The following LDLRAD4 variants were observed in gnomAD, a reference collection of about 807,000 sequenced individuals.
LDLRAD4 encodes the protein low density lipoprotein receptor class A domain containing 4.
A neutral mutation model predicts 17.0 loss-of-function variants in LDLRAD4; 5 were observed. That is an observed-to-expected ratio of 0.29 (90% CI 0.15 to 0.62). The LOEUF (loss-of-function observed/expected upper bound fraction) is 0.62. LDLRAD4 is among the 20% of genes least tolerant of loss of function. The probability of loss-of-function intolerance (pLI) is 0.84; values close to 1 mark genes in which losing one functional copy is unlikely to be tolerated. For synonymous variants in LDLRAD4, 168 were observed against 171.8 expected (o/e 0.98, Z 0.17); for missense variants, 340 against 424.7 (o/e 0.80, Z 1.75).
At chr18:13,498,716 C>T (rs1424446171) in intron 3 of LDLRAD4, among the ~76,000 whole-genome samples, 2 of 149,790 alleles carry the variant, frequency 1.3e-5, no homozygotes, top group Non-Finnish European at 3.0e-5. Context: ...TCTTGCCACA[C>T]GTGTCCCACT....
chr18:13,450,208 C>A (rs975299785), intron 3 of LDLRAD4, among the ~76,000 whole-genome samples: 1 of 152,084 alleles, frequency 6.6e-6, no homozygotes, highest in Non-Finnish European at 1.5e-5. Context: ...CATGAGGCCT[C>A]TAGATCAGCG....
At chr18:13,327,011 A>G (rs1288174373) in intron 1 of LDLRAD4, among the ~76,000 whole-genome samples, 1 of 152,028 alleles carries the variant, frequency 6.6e-6, no homozygotes, top group East Asian at 1.9e-4. Flanking sequence ...ACCATCATCA[A>G]TACGCTACTT....
At chr18:13,335,588 G>T (rs918571749) in intron 1 of LDLRAD4, among the ~76,000 whole-genome samples, 1 of 152,214 alleles carries the variant, frequency 6.6e-6, no homozygotes, top group Non-Finnish European at 1.5e-5. Flanking sequence ...ATAGTTAAAT[G>T]AATTCAATTG....
intron 3 of LDLRAD4, chr18:13,500,979 T>C (rs1049522914): frequency 1.3e-4 from 19 of 151,742 alleles, no homozygotes; most frequent in African/African-American, 4.6e-4. Context: ...AAGCCCCTCA[T>C]GCCCACCCGC....
chr18:13,305,658 G>T (rs930575942), intron 1 of LDLRAD4, among the ~76,000 whole-genome samples: 18 of 152,204 alleles, frequency 1.2e-4, no homozygotes, highest in Non-Finnish European at 1.6e-4. Flanking sequence ...TGAATTGCTC[G>T]ATTTGTGCTG....
intron 1 of LDLRAD4, among the ~76,000 whole-genome samples, chr18:13,308,038 C>T (rs1197144281): frequency 1.3e-5 from 2 of 152,180 alleles, no homozygotes; most frequent in Non-Finnish European, 2.9e-5. Flanking sequence ...TCTCTGCAGT[C>T]GTGTTTCTTA....
intron 1 of LDLRAD4, among the ~76,000 whole-genome samples, chr18:13,266,669 C>T (rs1290848561): frequency 9.2e-5 from 14 of 152,268 alleles, no homozygotes; most frequent in Admixed American, 9.2e-4. Context: ...CGCTGCCTGG[C>T]GATGGCTTCT....
chr18:13,401,571 G>A (rs888060208), intron 2 of LDLRAD4, among the ~76,000 whole-genome samples: 27 of 152,172 alleles, frequency 1.8e-4, no homozygotes, highest in African/African-American at 6.0e-4. Context: ...TGGGAAGGAA[G>A]TCACCCACCC....
chr18:13,643,100 T>C (rs1032104315), intron 4 of LDLRAD4, among the ~76,000 whole-genome samples: 3 of 151,822 alleles, frequency 2.0e-5, no homozygotes, highest in Admixed American at 6.6e-5. Flanking sequence ...CACGCCCAAC[T>C]AATGTTTGTA....
At chr18:13,453,607 A>G (rs545645002) in intron 3 of LDLRAD4, among the ~76,000 whole-genome samples, 1 of 152,332 alleles carries the variant, frequency 6.6e-6, no homozygotes, top group South Asian at 2.1e-4. Flanking sequence ...TGGAACATTT[A>G]GCCAAGAGAG....
chr18:13,372,465 A>G (rs1420042826), intron 1 of LDLRAD4, among the ~76,000 whole-genome samples: 1 of 152,238 alleles, frequency 6.6e-6, no homozygotes, highest in Non-Finnish European at 1.5e-5. Flanking sequence ...AAGAAATGAA[A>G]GAGACAAGAT....
At chr18:13,414,378 A>G (rs1310049509) in intron 2 of LDLRAD4, among the ~76,000 whole-genome samples, 1 of 152,220 alleles carries the variant, frequency 6.6e-6, no homozygotes, top group Non-Finnish European at 1.5e-5. Flanking sequence ...TGTACAGTTC[A>G]GTACCTTCCT....
chr18:13,498,382 A>G (rs1042580149), intron 3 of LDLRAD4, among the ~76,000 whole-genome samples: 15 of 133,492 alleles, frequency 1.1e-4, no homozygotes, highest in African/African-American at 4.1e-4. Context: ...ACACTGGAGA[A>G]TCCTCCCCAC....
rs920643581 is a variant in LDLRAD4, at chr18:13,300,072, G to C, written c.-383+21884G>C. ...CACAGAGACAATGTGTTTGATTTGG[G>C]AACAGCTGGTCACAGCCCATGTGGC... On this transcript the variant is annotated intron_variant, in intron 1 of 5. Coordinates refer to ENST00000359446, the Ensembl canonical transcript of LDLRAD4. The surrounding 1 kb of genome is among the most constrained non-coding windows in gnomAD (Gnocchi z 4.2). 6.6e-6 allele frequency among the ~76,000 whole-genome samples: 1 copy of C among 152,178 alleles called. No individual in the cohort carries two copies. The highest frequency in any genetic ancestry group is 1.5e-5 in the Non-Finnish European group (1 of 68,036).
chr18:13,317,557 A>G (rs956728476), intron 1 of LDLRAD4, among the ~76,000 whole-genome samples: 5 of 152,264 alleles, frequency 3.3e-5, no homozygotes, highest in African/African-American at 9.6e-5. Flanking sequence ...TTGGTAGAAC[A>G]ATGGTACACC....
Position 13,613,041 on chromosome 18 carries a change from T to C in LDLRAD4, c.182-8076T>C. 4 of 348,366 alleles carry C rather than the reference T, an allele frequency of 1.1e-5. No individual in the cohort carries two copies. The South Asian group carries it at 2.3e-4, about 20-fold the overall frequency. The allele number at this position is 348,366 out of a possible 1,614,324, so 21.6% of individuals were successfully genotyped here. ...TGTTATGCATGAGTACACAGTTTGT[T>C]GCTTTGGAGTTTTGTTTTTTTCAAA... On this transcript the variant is annotated intron_variant, in intron 3 of 5. Coordinates refer to ENST00000359446, the Ensembl canonical transcript of LDLRAD4.
At chr18:13,352,099 T>C (rs1316863631) in intron 1 of LDLRAD4, among the ~76,000 whole-genome samples, 1 of 152,186 alleles carries the variant, frequency 6.6e-6, no homozygotes, top group Non-Finnish European at 1.5e-5. Flanking sequence ...AACTATGTCT[T>C]GATGTAACAT....
chr18:13,391,733 A>G (rs4797767), intron 2 of LDLRAD4, among the ~76,000 whole-genome samples: 27,478 of 152,222 alleles, frequency 0.18, 2,743 homozygotes, highest in East Asian at 0.26. Context: ...TCTTCGGGCA[A>G]CATTTTAGTT....
chr18:13,230,490 A>G (rs977150043), intron 1 of LDLRAD4, among the ~76,000 whole-genome samples: 23 of 152,324 alleles, frequency 1.5e-4, no homozygotes, highest in Admixed American at 1.4e-3. Context: ...ATGTACTATT[A>G]CCATAGTATA....
Sources: allele counts gnomAD v4.1 joint callset (sites outside exome capture counted in the v4.1 genomes callset), GRCh38; gene constraint gnomAD v4.1.1; non-coding constraint Gnocchi (gnomAD v3.1); transcripts MANE v1.5; gene names NCBI Gene and HGNC (gene_info 2026-07-23, HGNC 2026-07-21).